The following ZFYVE16 variants were observed in gnomAD, a reference collection of about 807,000 sequenced individuals.
ZFYVE16 encodes the protein zinc finger FYVE domain-containing protein 16.
A neutral mutation model predicts 138.1 loss-of-function variants in ZFYVE16; 89 were observed. That is an observed-to-expected ratio of 0.64 (90% CI 0.54 to 0.77). ZFYVE16 has a LOEUF of 0.77. Ranked by LOEUF, ZFYVE16 falls within the 30% of genes least tolerant of loss-of-function variation. The pLI is 0.00. For missense variants in ZFYVE16, 1,793 were observed against 1,786.7 expected, an observed-to-expected ratio of 1.00 and a Z score of -0.06; for synonymous variants, 596 against 618.3, an observed-to-expected ratio of 0.96 and a Z score of 0.53.
At position 80,451,721 on chromosome 5, in the gene ZFYVE16, A is replaced by G; in HGVS notation, c.3607+12A>G. On this transcript the variant is annotated intron_variant, in intron 11 of 18. Transcript: ENST00000505560. ...TGCAGAATATAAAGGTAAGTTTTAG[A>G]GTAATAAGTTAAATTGCATATTTTC... is the stretch of plus-strand genomic sequence containing the variant. 1 of 1,596,552 alleles carries G rather than the reference A, an allele frequency of 6.3e-7. No individual in the cohort carries two copies. The highest frequency in any genetic ancestry group is 8.5e-7 in the Non-Finnish European group (1 of 1,170,312).
intron 9 of ZFYVE16, among the ~76,000 whole-genome samples, chr5:80,450,042 A>G (rs1335831626): frequency 1.3e-5 from 2 of 152,196 alleles, no homozygotes; most frequent in Non-Finnish European, 2.9e-5. Flanking sequence ...TGAAATAAGC[A>G]GGAACCCTGA....
rs1048336727 is a variant in ZFYVE16 at position 80,483,204 on chromosome 5, A to G, written c.*5827A>G. On this transcript the variant is annotated 3_prime_UTR_variant, in exon 19 of 19. Coordinates refer to ENST00000505560, the MANE Select transcript of ZFYVE16 (RefSeq NM_001284236.3). ...CATTGTCAGAAGAAGGAAAGCTAAA[A>G]TAATTCATTGCTAGTAGTCCTCCTT... 1.3e-5 allele frequency: 2 copies of G among 152,242 alleles called. No individual in the cohort carries two copies. Among genetic ancestry groups the G allele is most frequent in the Non-Finnish European group, 2.9e-5 (2 of 68,046 alleles). The allele number at this position is 152,242 out of a possible 1,614,324, so 9.4% of individuals were successfully genotyped here.
chr5:80,408,948 A>G (rs1221262206), intron 1 of ZFYVE16, among the ~76,000 whole-genome samples: 1 of 150,232 alleles, frequency 6.7e-6, no homozygotes. Flanking sequence ...TAATGGTTTA[A>G]TCCAGTAGAA....
In ZFYVE16 at chr5:80,469,487, C is replaced by T. The variant is rs565453108; in HGVS notation, c.4025-3274C>T. Reference sequence around the variant, plus strand: ...CAATCTTCTGGACTCAAGTGATCCTCCCTCCTCAGCCTCCCCAAAGTACTG... The same window carrying T: ...CAATCTTCTGGACTCAAGTGATCCTTCCTCCTCAGCCTCCCCAAAGTACTG... On this transcript the variant is annotated intron_variant, in intron 15 of 18. Coordinates refer to ENST00000505560, the MANE Select transcript of ZFYVE16 (RefSeq NM_001284236.3). Among the ~76,000 whole-genome samples, 22 of 152,264 alleles carry T rather than the reference C, an allele frequency of 1.4e-4. No individual in the cohort carries two copies. In the South Asian group the frequency reaches 4.4e-3, roughly 30 times the overall value.
At position 80,437,182 on chromosome 5, in the gene ZFYVE16, T is replaced by C; in HGVS notation, c.497T>C (p.Leu166Ser). 6.2e-7 allele frequency: 1 copy of C among 1,614,074 alleles called. No individual in the cohort carries two copies. Among genetic ancestry groups the C allele is most frequent in the Non-Finnish European group, 8.5e-7 (1 of 1,179,990 alleles). ...GCAGATTCCTTGATTGGATTGGATT[T>C]ATCTTCAGTGTCAGATACTCCCTGT... ...SNADSLIGLDLSSVSDTPCVS... is the reference protein window; with the variant it reads ...SNADSLIGLDSSSVSDTPCVS... Residue 166 changes from leucine to serine, a missense_variant, in exon 4 of 19, where the codon TTA becomes TCA. Leu to Ser is a moderately radical substitution (Grantham distance 145). This residue lies in a region of ZFYVE16 where 1,295 missense variants were observed against 1,204.3 expected (regional missense o/e 1.08). Coordinates refer to ENST00000505560, the MANE Select transcript of ZFYVE16 (RefSeq NM_001284236.3).
intron 7 of ZFYVE16, among the ~76,000 whole-genome samples, chr5:80,447,683 G>A (rs961354081): frequency 1.3e-5 from 2 of 152,118 alleles, no homozygotes; most frequent in Non-Finnish European, 2.9e-5. Flanking sequence ...CATAAGAAGG[G>A]GAGAGACTTG....
intron 12 of ZFYVE16, 25 bp downstream of exon 12, chr5:80,455,799 G>T: frequency 6.5e-7 from 1 of 1,535,902 alleles, no homozygotes; most frequent in Non-Finnish European, 8.8e-7. Context: ...TATTTTATTA[G>T]GTATTTTTAT....
chr5:80,426,610 A>G (rs1021009268), intron 1 of ZFYVE16, among the ~76,000 whole-genome samples: 1 of 152,090 alleles, frequency 6.6e-6, no homozygotes, highest in African/African-American at 2.4e-5. Context: ...TCATCCATGT[A>G]CCTGCAAAGG....
At chr5:80,461,352 T>C (rs1305439850) in intron 15 of ZFYVE16, among the ~76,000 whole-genome samples, 4 of 152,180 alleles carry the variant, frequency 2.6e-5, no homozygotes, top group Non-Finnish European at 4.4e-5. Flanking sequence ...ATTACCCCCA[T>C]TGTCTCACTT....
rs151307797 is a variant in ZFYVE16 at position 80,441,481 on chromosome 5, A to C, written c.2419+1449A>C. ...GTCATTAATTCATATGCCACAGGAG[A>C]GCATAAATAAAAGTTAATACCAGCT... is the stretch of plus-strand genomic sequence containing the variant. On this transcript the variant is annotated intron_variant, in intron 5 of 18. Transcript: ENST00000505560. 1.1e-3 allele frequency: 1,092 copies of C among 985,324 alleles called. 2 individuals are homozygous for C. The highest frequency in any genetic ancestry group is 1.3e-3 in the Non-Finnish European group (1,051 of 829,832). The allele number at this position is 985,324 out of a possible 1,614,324, so 61.0% of individuals were successfully genotyped here.
chr5:80,426,448 A>AC lies in ZFYVE16; in HGVS notation c.-93-1037dup, dbSNP rs560145882. Among the ~76,000 whole-genome samples the AC allele has an allele frequency of 1.2e-3, 167 of 138,986 alleles. 2 individuals carry two copies. Among genetic ancestry groups the AC allele is most frequent in the Middle Eastern group, 7.2e-3 (2 of 278 alleles). The allele number at this position is 138,986 out of a possible 152,430, so 91.2% of individuals were successfully genotyped here. ...ATCCTGATGCTCTCCCCTCACCACC[A>AC]CCCCCCCACCCCAGCAGGCCCCAGT... On this transcript the variant is annotated intron_variant, in intron 1 of 18. Coordinates refer to ENST00000505560, the MANE Select transcript of ZFYVE16 (RefSeq NM_001284236.3).
At position 80,448,248 on chromosome 5, in the gene ZFYVE16, G is replaced by A. The variant is rs1751604000; in HGVS notation, c.2947G>A (p.Gly983Ser). 6.2e-7 allele frequency: 1 copy of A among 1,613,532 alleles called. No individual in the cohort carries two copies. Among genetic ancestry groups the A allele is most frequent in the African/African-American group, 1.3e-5 (1 of 74,898 alleles). ...AACTGAAGAACCATCTAGTCCTACTGGTGTCTTAGTTAACAGCAATTTACC... is the reference window on the plus strand; with the variant it reads ...AACTGAAGAACCATCTAGTCCTACTAGTGTCTTAGTTAACAGCAATTTACC... ...AETEEPSSPT[G>S]VLVNSNLPIA... Residue 983 changes from glycine to serine, a missense_variant, in exon 8 of 19, where the codon GGT becomes AGT. Around this residue, in one of 2 missense-constraint regions of ZFYVE16, gnomAD observed 1,295 missense variants for 1,204.3 expected, o/e 1.08. Transcript: ENST00000505560.
intron 14 of ZFYVE16, among the ~76,000 whole-genome samples, chr5:80,458,032 T>TAAAA (rs749338847): frequency 4.1e-5 from 3 of 73,642 alleles, no homozygotes; most frequent in East Asian, 3.8e-4. Flanking sequence ...AGACTACGTC[T>TAAAA]AAAAAAAAAA....
chr5:80,432,765 T>G, intron 2 of ZFYVE16, among the ~76,000 whole-genome samples: 1 of 151,834 alleles, frequency 6.6e-6, no homozygotes, highest in Non-Finnish European at 1.5e-5. Context: ...AACAACCCCA[T>G]CAACAAGTGG....
At position 80,481,754 on chromosome 5, in the gene ZFYVE16, T is replaced by C. The variant is rs999047594; in HGVS notation, c.*4377T>C. Among the ~76,000 whole-genome samples the C allele has an allele frequency of 2.6e-5, 4 of 152,090 alleles. No homozygotes were observed. The highest frequency in any genetic ancestry group is 4.8e-5 in the African/African-American group (2 of 41,400). ...AAGCAACTCTCTAGGGAAAAGACAATGAACAAGAGCCAACTCTAAGGTTAC... is the reference window on the plus strand; with the variant it reads ...AAGCAACTCTCTAGGGAAAAGACAACGAACAAGAGCCAACTCTAAGGTTAC... On this transcript the variant is annotated 3_prime_UTR_variant, in exon 19 of 19. Transcript: ENST00000505560.
chr5:80,417,171 G>A (rs1420637749), intron 1 of ZFYVE16, among the ~76,000 whole-genome samples: 2 of 152,118 alleles, frequency 1.3e-5, no homozygotes, highest in South Asian at 2.1e-4. Context: ...TTGTTAACCT[G>A]TACCACCATG....
At chr5:80,422,907 A>G (rs1445548459) in intron 1 of ZFYVE16, among the ~76,000 whole-genome samples, 1 of 152,162 alleles carries the variant, frequency 6.6e-6, no homozygotes, top group Non-Finnish European at 1.5e-5. Context: ...TTTTCAATAC[A>G]TTGTTGGATT....
At chr5:80,427,971 CAAAA>C (rs386404254) in intron 2 of ZFYVE16, among the ~76,000 whole-genome samples, 2 of 48,108 alleles carry the variant, frequency 4.2e-5, no homozygotes, top group Non-Finnish European at 6.2e-5. Context: ...GACTCCATCT[CAAAA>C]AAAAAAAAAA....
chr5:80,445,538 T>C (rs1225901846), intron 7 of ZFYVE16, 133 bp downstream of exon 7: 6 of 766,058 alleles, frequency 7.8e-6, no homozygotes, highest in East Asian at 5.7e-5. Context: ...TGTATTGATA[T>C]AGTGAATATA....
Sources: allele counts gnomAD v4.1 joint callset (sites outside exome capture counted in the v4.1 genomes callset), GRCh38; gene constraint gnomAD v4.1.1; regional missense constraint gnomAD v4.1.1; transcripts MANE v1.5; gene names NCBI Gene and HGNC (gene_info 2026-07-23, HGNC 2026-07-21).